SNRPN: variants seen among roughly 807,000 people sequenced by gnomAD.
SNRPN encodes the protein small nuclear ribonucleoprotein-associated protein N.
In SNRPN, 7 loss-of-function variants were observed where a neutral mutation model predicts 25.2. The observed-to-expected ratio is 0.28, with a 90% CI of 0.16 to 0.52. The LOEUF (loss-of-function observed/expected upper bound fraction) is 0.52, where lower values mean the gene tolerates loss of function less well. SNRPN is among the 20% of genes least tolerant of loss of function. The probability of loss-of-function intolerance (pLI) is 0.96; values close to 1 mark genes in which losing one functional copy is unlikely to be tolerated. For synonymous variants in SNRPN, 124 were observed against 110.6 expected (o/e 1.12, Z -0.76); for missense variants, 196 against 322.5 (o/e 0.61, Z 3.00).
At chr15:24,875,039 T>C (rs2055717730) in intron 1 of SNRPN, among the ~76,000 whole-genome samples, 2 of 152,234 alleles carry the variant, frequency 1.3e-5, no homozygotes, top group African/African-American at 4.8e-5. Flanking sequence ...AGTCTACGAA[T>C]TTATTCCTAT....
intron 3 of SNRPN, chr15:24,921,319 G>A (rs993303589): frequency 6.6e-6 from 1 of 152,082 alleles, no homozygotes; most frequent in African/African-American, 2.4e-5. Context: ...GTTTTTTTAT[G>A]GCCTGAAAAG....
chr15:24,911,282 G>A (rs1409928738), intron 2 of SNRPN, among the ~76,000 whole-genome samples: 2 of 152,140 alleles, frequency 1.3e-5, no homozygotes, highest in South Asian at 2.1e-4. Flanking sequence ...CCAACTGACC[G>A]TTTCATAAGG....
intron 2 of SNRPN, among the ~76,000 whole-genome samples, chr15:24,835,910 C>T (rs148623245): frequency 6.6e-6 from 1 of 152,036 alleles, no homozygotes; most frequent in Non-Finnish European, 1.5e-5. Context: ...AGCCATCTTC[C>T]CTCTTCGGCC....
intron 1 of SNRPN, among the ~76,000 whole-genome samples, chr15:24,957,263 G>A (rs1190152814): frequency 6.6e-6 from 1 of 152,198 alleles, no homozygotes; most frequent in Non-Finnish European, 1.5e-5. Flanking sequence ...AAGGTTGAAA[G>A]GTGTTTCAAA....
At chr15:24,955,373 G>A (rs987854227) in intron 1 of SNRPN, among the ~76,000 whole-genome samples, 1 of 152,026 alleles carries the variant, frequency 6.6e-6, no homozygotes, top group Non-Finnish European at 1.5e-5. Context: ...CGGGGTAACC[G>A]CAGTGGGCAA....
At chr15:24,976,508 C>G in intron 6 of SNRPN, 92 bp downstream of exon 6, 1 of 879,450 alleles carries the variant, frequency 1.1e-6, no homozygotes, top group Non-Finnish European at 1.8e-6. Flanking sequence ...AGACACAGTT[C>G]AACATGGATT....
intron 1 of SNRPN, among the ~76,000 whole-genome samples, chr15:24,874,166 C>T (rs529997495): frequency 4.6e-5 from 7 of 151,666 alleles, no homozygotes; most frequent in East Asian, 2.0e-4. Flanking sequence ...AAAAATTAGC[C>T]GGGCGTGGTG....
intron 3 of SNRPN, among the ~76,000 whole-genome samples, chr15:24,970,421 A>G (rs2076250773): frequency 6.6e-6 from 1 of 152,108 alleles, no homozygotes; most frequent in South Asian, 2.1e-4. Flanking sequence ...TGTTCTAAAA[A>G]TACAAATATT....
chr15:24,922,118 CA>C (rs1008188405), intron 3 of SNRPN, among the ~76,000 whole-genome samples: 16 of 151,194 alleles, frequency 1.1e-4, no homozygotes, highest in Admixed American at 5.9e-4. Flanking sequence ...GAGACTAAGG[CA>C]GGAGAATCGC....
At chr15:24,908,813 G>T in intron 2 of SNRPN, 1 of 508,926 alleles carries the variant, frequency 2.0e-6, no homozygotes, top group South Asian at 3.2e-5. Context: ...CTAGGGTCTG[G>T]AAATCTTTCT....
intron 1 of SNRPN, among the ~76,000 whole-genome samples, chr15:24,881,713 G>T (rs554755510): frequency 6.6e-6 from 1 of 152,036 alleles, no homozygotes; most frequent in African/African-American, 2.4e-5. Flanking sequence ...TCGAAGAACC[G>T]TGGAAATATT....
intron 3 of SNRPN, among the ~76,000 whole-genome samples, chr15:24,934,862 C>G (rs2061123097): frequency 6.6e-6 from 1 of 152,148 alleles, no homozygotes; most frequent in African/African-American, 2.4e-5. Flanking sequence ...TGGCTGACCT[C>G]TGATTTATAT....
chr15:24,857,894 G>A (rs946679258), intron 1 of SNRPN, among the ~76,000 whole-genome samples: 4 of 152,112 alleles, frequency 2.6e-5, no homozygotes, highest in African/African-American at 4.8e-5. Context: ...GTAGGGGGTC[G>A]GAAAGTGGGG....
At chr15:24,970,431 T>A (rs1321140982) in intron 3 of SNRPN, among the ~76,000 whole-genome samples, 1 of 151,946 alleles carries the variant, frequency 6.6e-6, no homozygotes, top group East Asian at 1.9e-4. Context: ...ATACAAATAT[T>A]AGCCGGGTGT....
rs2077135467 is a variant in SNRPN, at chr15:24,977,054, T to A, written c.420+25T>A. ...GGTGAGGAACCAGCAGAGGGTTTTA[T>A]ATTATTGGGAGAATATGACTAAGCC... On this transcript the variant is annotated intron_variant, in intron 7 of 9. Coordinates refer to ENST00000390687, the MANE Select transcript of SNRPN (RefSeq NM_003097.6). 2.0e-6 allele frequency: 3 copies of A among 1,532,638 alleles called. No individual in the cohort carries two copies. In the African/African-American group the frequency reaches 4.2e-5, roughly 21 times the overall value. The allele number at this position is 1,532,638 out of a possible 1,614,324, so 94.9% of individuals were successfully genotyped here.
intron 2 of SNRPN, among the ~76,000 whole-genome samples, chr15:24,836,693 G>C (rs977003097): frequency 2.6e-5 from 4 of 152,070 alleles, no homozygotes; most frequent in African/African-American, 9.7e-5. Context: ...GATTATAGGC[G>C]TGATCCACCA....
At chr15:24,891,202 T>TA (rs2150539583) in intron 2 of SNRPN, among the ~76,000 whole-genome samples, 1 of 20,786 alleles carries the variant, frequency 4.8e-5, no homozygotes, top group Non-Finnish European at 7.7e-5. Context: ...TGTAATGGTA[T>TA]TTTTTTTTGA....
intron 1 of SNRPN, among the ~76,000 whole-genome samples, chr15:24,883,301 C>G (rs2056903319): frequency 6.6e-6 from 1 of 152,232 alleles, no homozygotes; most frequent in Non-Finnish European, 1.5e-5. Flanking sequence ...TTAGCACACA[C>G]AGCCCTGTAC....
chr15:24,889,627 G>A (rs141946923), intron 2 of SNRPN, among the ~76,000 whole-genome samples: 2 of 152,184 alleles, frequency 1.3e-5, no homozygotes, highest in African/African-American at 4.8e-5. Flanking sequence ...CTTAAGAGAG[G>A]TGAACCAGGG....
Sources: gnomAD v4.1 joint callset for allele counts (sites outside exome capture counted in the v4.1 genomes callset) on GRCh38, gnomAD v4.1.1 for gene constraint, MANE v1.5 for transcripts, NCBI Gene and HGNC (gene_info 2026-07-23, HGNC 2026-07-21) for gene names.